DDX25: variants seen among roughly 807,000 people sequenced by gnomAD.
DDX25 encodes the protein DEAD-box helicase 25, also known as ATP-dependent RNA helicase DDX25.
In DDX25, 70 loss-of-function variants were observed where a neutral mutation model predicts 64.6. The ratio of observed to expected loss-of-function variants is 1.08; its 90% CI spans 0.89 to 1.32. The LOEUF (loss-of-function observed/expected upper bound fraction) is 1.32. DDX25 is among the 40% of genes most tolerant of loss of function. DDX25 has a pLI of 0.00. For missense variants in DDX25, 587 were observed against 604.4 expected, an observed-to-expected ratio of 0.97 and a Z score of 0.30; for synonymous variants, 211 against 213.3, an observed-to-expected ratio of 0.99 and a Z score of 0.09.
At chr11:125,904,755 A>AC in intron 1 of DDX25, 175 bp downstream of exon 1, 1 of 796,784 alleles carries the variant, frequency 1.3e-6, no homozygotes, top group Non-Finnish European at 2.0e-6. Flanking sequence ...CCCCGTCCCC[A>AC]CCCCCACGAG....
chr11:125,916,028 A>G (rs1337632760), intron 8 of DDX25, among the ~76,000 whole-genome samples: 2 of 152,178 alleles, frequency 1.3e-5, no homozygotes, highest in Non-Finnish European at 2.9e-5. Context: ...ACGGTCTGAC[A>G]TCATTGACCA....
intron 10 of DDX25, among the ~76,000 whole-genome samples, chr11:125,919,570 T>TC (rs371432988): frequency 1.3e-4 from 19 of 147,318 alleles, no homozygotes; most frequent in Admixed American, 2.7e-4. Context: ...TTTTTTTTTT[T>TC]CAAGAGAAGG....
In DDX25 at chr11:125,908,288, C is replaced by T. The variant is rs372038831; in HGVS notation, c.404C>T (p.Pro135Leu). ...GCTCTCCCTATGATGCTGGCACATC[C>T]GTGAGTTTCCAGGGTAGTGGTATTC... ...EMALPMMLAH[P>L]PQNLIAQSQS... The change falls in exon 5 of 12, where the codon CCA becomes CTA. Residue 135 changes from proline (P) to leucine (L), a missense_variant and splice_region_variant. Physicochemically the swap from Pro to Leu is moderately conservative, Grantham distance 98 (BLOSUM62 -3). Coordinates refer to ENST00000263576, the MANE Select transcript of DDX25 (RefSeq NM_013264.5). 23 of 1,613,540 alleles carry T rather than the reference C, an allele frequency of 1.4e-5. No homozygotes were observed. Among genetic ancestry groups the T allele is most frequent in the Middle Eastern group, 1.6e-4 (1 of 6,084 alleles).
At chr11:125,905,626 T>A (rs775584735) in intron 3 of DDX25, 29 bp downstream of exon 3, 1 of 1,542,822 alleles carries the variant, frequency 6.5e-7, no homozygotes, top group Non-Finnish European at 8.8e-7. Context: ...TGCATGTATC[T>A]ACTAGCATTC....
At chr11:125,907,064 T>A (rs1591514850) in intron 4 of DDX25, among the ~76,000 whole-genome samples, 1 of 152,316 alleles carries the variant, frequency 6.6e-6, no homozygotes, top group Non-Finnish European at 1.5e-5. Flanking sequence ...TGATTATATT[T>A]TGTTTCAAAT....
chr11:125,919,027 A>T (rs1301206235), intron 10 of DDX25, among the ~76,000 whole-genome samples: 1 of 152,014 alleles, frequency 6.6e-6, no homozygotes, highest in African/African-American at 2.4e-5. Context: ...ATTTTTGGAG[A>T]CACAGAATCA....
At position 125,918,712 on chromosome 11, in the gene DDX25, G is replaced by A. The variant is rs1450439963; in HGVS notation, c.1123G>A (p.Glu375Lys). 3.1e-6 allele frequency: 5 copies of A among 1,613,772 alleles called. No individual in the cohort carries two copies. Among genetic ancestry groups the A allele is most frequent in the South Asian group, 1.1e-5 (1 of 90,972 alleles). The change falls in exon 10 of 12, where the codon GAG becomes AAG. Residue 375 changes from glutamate to lysine, a missense_variant. Coordinates refer to ENST00000263576, the MANE Select transcript of DDX25 (RefSeq NM_013264.5). Reference sequence around the variant, plus strand: ...TTTGTTAAGCGGGGAGCTGACCGTGGAGCAGCGAGCTTCCATCATTCAGAG... The same window carrying A: ...TTTGTTAAGCGGGGAGCTGACCGTGAAGCAGCGAGCTTCCATCATTCAGAG... ...VSLLSGELTVEQRASIIQRFR... is the reference protein window; with the variant it reads ...VSLLSGELTVKQRASIIQRFR...
chr11:125,908,068 A>G (rs774054743), intron 4 of DDX25, 128 bp from the exon 5 acceptor site: 278 of 708,426 alleles, frequency 3.9e-4, no homozygotes, highest in Non-Finnish European at 5.7e-4. Flanking sequence ...TGAATGATCT[A>G]TCTCCAAATA....
chr11:125,904,913 C>T lies in DDX25; in HGVS notation c.64-299C>T, dbSNP rs550757515. On this transcript the variant is annotated intron_variant, in intron 1 of 11. Transcript: ENST00000263576. ...CACCTCGCTTCCATCCATTTGCCAGCGCACTTTCCTAGCCACCCTCCCCTT... is the reference window on the plus strand; with the variant it reads ...CACCTCGCTTCCATCCATTTGCCAGTGCACTTTCCTAGCCACCCTCCCCTT... 18 of 547,190 alleles carry T rather than the reference C, an allele frequency of 3.3e-5. No homozygotes were observed. In the Admixed American group the frequency reaches 5.2e-4, roughly 16 times the overall value. 33.9% of individuals were successfully genotyped at this position (547,190 alleles called of 1,614,324 possible).
chr11:125,916,784 A>T (rs373761765), intron 8 of DDX25, among the ~76,000 whole-genome samples: 1 of 152,308 alleles, frequency 6.6e-6, no homozygotes, highest in African/African-American at 2.4e-5. Flanking sequence ...TCCAGAATAT[A>T]TACCTAAACT....
chr11:125,918,892 C>G, intron 10 of DDX25, 102 bp downstream of exon 10: 1 of 1,305,596 alleles, frequency 7.7e-7, no homozygotes, highest in East Asian at 2.6e-5. Flanking sequence ...TGCAATCATG[C>G]AGCTATCACT....
At chr11:125,903,585 A>C (rs1419731963), upstream of DDX25, among the ~76,000 whole-genome samples, 1 of 152,184 alleles carries the variant, frequency 6.6e-6, no homozygotes, top group East Asian at 1.9e-4. Context: ...GAATATGATA[A>C]TCTCAAAACA....
chr11:125,906,931 CA>C lies in DDX25; in HGVS notation c.311+723del, dbSNP rs1307860347. Among the ~76,000 whole-genome samples the C allele has an allele frequency of 1.1e-4, 16 of 152,100 alleles. 1 individual carries two copies. The highest frequency in any genetic ancestry group is 3.9e-4 in the African/African-American group (16 of 41,506). On this transcript the variant is annotated intron_variant, in intron 4 of 11. Transcript: ENST00000263576. Reference sequence around the variant, plus strand: ...TAAGATATTTTCATCCTGCAGTGCTCAGGGGGATAGATAGCTAAGCTAGGCA... The same window carrying C: ...TAAGATATTTTCATCCTGCAGTGCTCGGGGGATAGATAGCTAAGCTAGGCA...
Position 125,905,283 on chromosome 11 carries a change from G to A in DDX25, c.130+5G>A. 1.3e-6 allele frequency: 2 copies of A among 1,551,666 alleles called. No homozygotes were observed. The highest frequency in any genetic ancestry group is 2.4e-5 in the South Asian group (2 of 84,032). The stretch of plus-strand genomic sequence containing the variant: ...GTACTGCAGTCCGAAACATAGGTGA[G>A]TGCTGTTAGGGCAAAGCAGAGCGAC... On this transcript the variant is annotated splice_donor_5th_base_variant and intron_variant, in intron 2 of 11. Transcript: ENST00000263576.
At chr11:125,905,865 A>T (rs1015438717) in intron 3 of DDX25, among the ~76,000 whole-genome samples, 1 of 152,258 alleles carries the variant, frequency 6.6e-6, no homozygotes, top group Admixed American at 6.5e-5. Flanking sequence ...CTTTGAAGTT[A>T]GAGGATGGTG....
intron 4 of DDX25, among the ~76,000 whole-genome samples, chr11:125,907,494 G>C (rs1944908705): frequency 1.3e-5 from 2 of 152,188 alleles, no homozygotes; most frequent in East Asian, 1.9e-4. Context: ...TGTAGTCCTA[G>C]CTACTCGGGA....
At chr11:125,917,336 G>A in intron 9 of DDX25, 85 bp downstream of exon 9, 1 of 1,294,664 alleles carries the variant, frequency 7.7e-7, no homozygotes, top group Non-Finnish European at 1.1e-6. Flanking sequence ...CTAGAGCCAG[G>A]CACCATGTTC....
chr11:125,916,927 T>G, intron 8 of DDX25, 87 bp from the exon 9 acceptor site: 1 of 1,303,144 alleles, frequency 7.7e-7, no homozygotes, highest in Non-Finnish European at 1.1e-6. Flanking sequence ...CAGGGGTGCG[T>G]GCAGCGGCTG....
Position 125,921,028 on chromosome 11 carries a change from C to G in DDX25, c.1202-163C>G, listed in dbSNP as rs1945106934. 1.2e-5 allele frequency: 8 copies of G among 659,298 alleles called. No individual in the cohort carries two copies. In the South Asian group the frequency reaches 1.3e-4, roughly 10 times the overall value. 40.8% of individuals were successfully genotyped at this position (659,298 alleles called of 1,614,324 possible). ...CTAGCATCATAGACATCACAGCATG[C>G]AAGCAAACTTCCTAACCAAAGTACC... On this transcript the variant is annotated intron_variant, in intron 10 of 11. Transcript: ENST00000263576. This position sits in a 1 kb window ranked among gnomAD's most constrained non-coding sequence, Gnocchi z 4.1.
Sources: allele counts gnomAD v4.1 joint callset (sites outside exome capture counted in the v4.1 genomes callset), GRCh38; gene constraint gnomAD v4.1.1; non-coding constraint Gnocchi (gnomAD v3.1); transcripts MANE v1.5; gene names NCBI Gene and HGNC (gene_info 2026-07-23, HGNC 2026-07-21).